The following ZNF569 variants were observed in gnomAD, a reference collection of about 807,000 sequenced individuals.
The protein encoded by ZNF569 is DNA-binding protein.
In ZNF569, 38 loss-of-function variants were observed where a neutral mutation model predicts 56.3. The observed-to-expected ratio is 0.68, with a 90% CI of 0.52 to 0.88. The LOEUF (loss-of-function observed/expected upper bound fraction) is 0.88. Among genes scored for constraint, ZNF569 ranks in the 40% least tolerant of loss-of-function variants. The probability of loss-of-function intolerance (pLI) is 0.00; values close to 1 mark genes in which losing one functional copy is unlikely to be tolerated. For missense variants in ZNF569, 666 were observed against 809.2 expected, an observed-to-expected ratio of 0.82 and a Z score of 2.15; for synonymous variants, 241 against 262.9, an observed-to-expected ratio of 0.92 and a Z score of 0.81.
intron 3 of ZNF569, among the ~76,000 whole-genome samples, chr19:37,433,928 G>C (rs566797198): frequency 3.3e-5 from 5 of 152,278 alleles, no homozygotes; most frequent in African/African-American, 9.6e-5. Flanking sequence ...AAATTCACTG[G>C]TAATAGAAAG....
At chr19:37,415,571 G>A (rs1244623156) in intron 5 of ZNF569, among the ~76,000 whole-genome samples, 2 of 152,018 alleles carry the variant, frequency 1.3e-5, no homozygotes, top group Admixed American at 1.3e-4. Context: ...AAATAAATCA[G>A]AGGTATGAAA....
intron 3 of ZNF569, among the ~76,000 whole-genome samples, chr19:37,429,841 G>C (rs185777647): frequency 1.3e-5 from 2 of 152,276 alleles, no homozygotes; most frequent in East Asian, 3.9e-4. Context: ...TAGTAAACTT[G>C]AAGACAGATC....
intron 3 of ZNF569, among the ~76,000 whole-genome samples, chr19:37,437,408 T>C (rs2041328642): frequency 6.6e-6 from 1 of 152,146 alleles, no homozygotes; most frequent in Admixed American, 6.5e-5. Context: ...AGCCTTTCCT[T>C]TAAGATCTGG....
chr19:37,461,457 C>T lies in ZNF569; in HGVS notation c.-44+3856G>A, dbSNP rs138288532. ...GAGTAGCTGGGACTACAGGTGTGCG[C>T]CATCATGCCCAGCGAATTTTTGTAT... On this transcript the variant is annotated intron_variant, in intron 2 of 5. Transcript: ENST00000316950. 5.9e-5 allele frequency among the ~76,000 whole-genome samples: 9 copies of T among 152,126 alleles called. No individual in the cohort carries two copies. In the East Asian group the frequency reaches 1.7e-3, roughly 29 times the overall value.
chr19:37,462,165 C>T (rs2041766987), intron 2 of ZNF569, among the ~76,000 whole-genome samples: 1 of 152,170 alleles, frequency 6.6e-6, no homozygotes, highest in Non-Finnish European at 1.5e-5. Context: ...CTCACCAACA[C>T]ATCTGCCCAT....
chr19:37,425,756 T>A (rs1193787503), intron 5 of ZNF569, 112 bp downstream of exon 5: 1 of 928,990 alleles, frequency 1.1e-6, no homozygotes, highest in East Asian at 2.5e-5. Flanking sequence ...TGAACCACTG[T>A]GCCAACCTCT....
intron 5 of ZNF569, among the ~76,000 whole-genome samples, chr19:37,415,045 A>T (rs887631376): frequency 6.6e-6 from 1 of 152,146 alleles, no homozygotes. Flanking sequence ...GTTTTTGTGT[A>T]TGAAACATAT....
intron 2 of ZNF569, among the ~76,000 whole-genome samples, chr19:37,445,989 C>A (rs1170139959): frequency 1.3e-5 from 2 of 151,936 alleles, no homozygotes; most frequent in East Asian, 3.9e-4. Flanking sequence ...GCCCACATAG[C>A]CAAAGCAAGA....
chr19:37,412,718 G>A lies in ZNF569; in HGVS notation c.1940C>T (p.Ser647Leu), dbSNP rs1471896648. The change falls in exon 6 of 6, where the codon TCA (serine) becomes TTA (leucine). Residue 647 changes from serine to leucine, a missense_variant. Transcript: ENST00000316950. ...SKCGKAFSQI[S>L]SLTLHMRKHT... The stretch of plus-strand genomic sequence containing the variant: ...TTTTCTCATATGAAGGGTAAGAGAT[G>A]AGATTTGAGAGAAGGCTTTTCCACA... 7 of 1,614,156 alleles carry A rather than the reference G, an allele frequency of 4.3e-6. No homozygotes were observed. Among genetic ancestry groups the A allele is most frequent in the Non-Finnish European group, 3.4e-6 (4 of 1,179,974 alleles).
intron 5 of ZNF569, among the ~76,000 whole-genome samples, chr19:37,420,814 T>C (rs1007244519): frequency 6.6e-6 from 1 of 151,858 alleles, no homozygotes; most frequent in Non-Finnish European, 1.5e-5. Context: ...CACTTTTTAA[T>C]TTACTTTACC....
At chr19:37,453,791 G>T (rs2146961546) in intron 2 of ZNF569, among the ~76,000 whole-genome samples, 1 of 152,148 alleles carries the variant, frequency 6.6e-6, no homozygotes, top group East Asian at 1.9e-4. Context: ...TTCCATCTCT[G>T]CTCCAATTAC....
chr19:37,453,174 C>G lies in ZNF569; in HGVS notation c.-43-8210G>C, dbSNP rs114368387. ...GGCGTACTGGTTGCACAAACCAACC[C>G]CTTCTCTCCCCTGGATGAGTTAGGG... On this transcript the variant is annotated intron_variant, in intron 2 of 5. Transcript: ENST00000316950. 7.1e-3 allele frequency among the ~76,000 whole-genome samples: 1,079 copies of G among 152,214 alleles called. 14 individuals are homozygous for G. The highest frequency in any genetic ancestry group is 0.024 in the African/African-American group (1,005 of 41,510).
At chr19:37,426,445 GA>G in intron 3 of ZNF569, 67 bp from the exon 4 acceptor site, 3 of 1,476,264 alleles carry the variant, frequency 2.0e-6, no homozygotes, top group Non-Finnish European at 2.7e-6. Flanking sequence ...AAAATATATT[GA>G]ACCTTGTTCT....
At chr19:37,452,703 C>T (rs1048798646) in intron 2 of ZNF569, among the ~76,000 whole-genome samples, 1 of 151,838 alleles carries the variant, frequency 6.6e-6, no homozygotes. Flanking sequence ...ATAGATGTTC[C>T]CTTGTATGTG....
Position 37,465,440 on chromosome 19 carries a change from T to A in ZNF569, c.-171A>T, listed in dbSNP as rs2041814827. 6.6e-6 allele frequency: 1 copy of A among 152,216 alleles called. No individual in the cohort carries two copies. Among genetic ancestry groups the A allele is most frequent in the African/African-American group, 2.4e-5 (1 of 41,450 alleles). 9.4% of individuals were successfully genotyped at this position (152,216 alleles called of 1,614,324 possible). A position where few individuals can be genotyped will look rare whatever the true frequency, so the allele number is the denominator to read the frequency against. ...ACAGACAGCCTTCAATAAATGAGTC[T>A]ATGAATGAATGAATCCTTAATATAT... On this transcript the variant is annotated 5_prime_UTR_variant, in exon 2 of 6. Coordinates refer to ENST00000316950, the MANE Select transcript of ZNF569 (RefSeq NM_152484.3).
chr19:37,425,406 C>A (rs2041113035), intron 5 of ZNF569, among the ~76,000 whole-genome samples: 1 of 148,328 alleles, frequency 6.7e-6, no homozygotes, highest in South Asian at 2.2e-4. Context: ...ACTGCAACCT[C>A]TGCCTCCCGG....
chr19:37,426,379 C>T lies in ZNF569; in HGVS notation c.16-1G>A. ...CCACATCTTTGAATGTTACTGTTCCCTGTAACAACACACTCCCACTCAATC... is the reference window on the plus strand; with the variant it reads ...CCACATCTTTGAATGTTACTGTTCCTTGTAACAACACACTCCCACTCAATC... On this transcript the variant is annotated splice_acceptor_variant, in intron 3 of 5. Transcript: ENST00000316950. LOFTEE classifies it high-confidence loss of function. The T allele has an allele frequency of 6.2e-7, 1 of 1,600,084 alleles. No individual in the cohort carries two copies. Among genetic ancestry groups the T allele is most frequent in the African/African-American group, 1.3e-5 (1 of 74,308 alleles).
At chr19:37,460,004 A>T (rs550584400) in intron 2 of ZNF569, among the ~76,000 whole-genome samples, 1 of 152,382 alleles carries the variant, frequency 6.6e-6, no homozygotes, top group Admixed American at 6.5e-5. Flanking sequence ...ATGCTCAATG[A>T]AAACCGTAGT....
intron 2 of ZNF569, 80 bp from the exon 3 acceptor site, chr19:37,445,044 C>T: frequency 9.3e-7 from 1 of 1,072,468 alleles, no homozygotes; most frequent in Non-Finnish European, 1.4e-6. Flanking sequence ...GATTAAAGGT[C>T]ACCCTGTAGT....
Sources: gnomAD v4.1 joint callset for allele counts (sites outside exome capture counted in the v4.1 genomes callset) on GRCh38, gnomAD v4.1.1 for gene constraint, MANE v1.5 for transcripts, NCBI Gene and HGNC (gene_info 2026-07-23, HGNC 2026-07-21) for gene names.